Variants in RASA2 observed in about 807,000 individuals in gnomAD.
The protein encoded by RASA2 is RAS p21 protein activator 2.
In RASA2, 155 loss-of-function variants were observed where a neutral mutation model predicts 118.2. That is an observed-to-expected ratio of 1.31 (90% CI 1.15 to 1.50). The LOEUF (loss-of-function observed/expected upper bound fraction) is 1.50, where lower values mean the gene tolerates loss of function less well. Ranked by LOEUF, RASA2 falls within the 40% of genes most tolerant of loss-of-function variation. RASA2 has a pLI of 0.00. For synonymous variants in RASA2, 353 were observed against 349.1 expected, an observed-to-expected ratio of 1.01 and a Z score of -0.12; for missense variants, 1,016 against 1,009.6, an observed-to-expected ratio of 1.01 and a Z score of -0.09.
In RASA2 at chr3:141,555,848, A is replaced by T. The variant is rs1231872800; in HGVS notation, c.620A>T (p.Gln207Leu). ...VSLVGPSRND[Q>L]KKTKVKKKTS... ...CTACCACATTGGAACAGGAATGACC[A>T]AAAGAAGACAAAAGTAAAGAAGAAA... is the stretch of plus-strand genomic sequence containing the variant. Residue 207 changes from glutamine (Q) to leucine (L), a missense_variant, in exon 7 of 24, where the codon CAA becomes CTA. Physicochemically the swap from Gln to Leu is moderately radical, Grantham distance 113 (BLOSUM62 -2). Coordinates refer to ENST00000286364, the MANE Select transcript of RASA2 (RefSeq NM_006506.5). 1 of 1,612,072 alleles carries T rather than the reference A, an allele frequency of 6.2e-7. No homozygotes were observed. The highest frequency in any genetic ancestry group is 8.5e-7 in the Non-Finnish European group (1 of 1,178,758).
At chr3:141,588,567 G>A (rs907923149) in intron 19 of RASA2, among the ~76,000 whole-genome samples, 2 of 152,148 alleles carry the variant, frequency 1.3e-5, no homozygotes, top group African/African-American at 4.8e-5. Flanking sequence ...ATCAGACATA[G>A]GGTGCTTTAA....
At chr3:141,580,784 C>T (rs1577781211) in intron 16 of RASA2, among the ~76,000 whole-genome samples, 1 of 151,414 alleles carries the variant, frequency 6.6e-6, no homozygotes, top group African/African-American at 2.4e-5. Flanking sequence ...CATAGCAAGA[C>T]CCTGTCTCTA....
intron 4 of RASA2, 131 bp downstream of exon 4, chr3:141,529,933 CTT>C (rs1354654382): frequency 2.9e-6 from 2 of 684,616 alleles, no homozygotes; most frequent in African/African-American, 3.6e-5. Context: ...ATATTATAGA[CTT>C]TTGGGTAATA....
In RASA2 at chr3:141,595,991, C is replaced by T. The variant is rs146472188; in HGVS notation, c.1933+9239C>T. On this transcript the variant is annotated intron_variant, in intron 19 of 23. Transcript: ENST00000286364. ...CTGAGCACAAGAACCAGTTTTCTTA[C>T]AGAAGTTTGAAATAATACTATCAGT... Among the ~76,000 whole-genome samples, 731 of 152,260 alleles carry T rather than the reference C, an allele frequency of 4.8e-3. 8 individuals are homozygous for T. Among genetic ancestry groups the T allele is most frequent in the African/African-American group, 0.017 (693 of 41,546 alleles).
intron 7 of RASA2, among the ~76,000 whole-genome samples, chr3:141,558,410 C>G (rs1577732871): frequency 6.6e-6 from 1 of 152,078 alleles, no homozygotes; most frequent in Admixed American, 6.6e-5. Flanking sequence ...AAAGGAGATA[C>G]AGTTGTATGA....
At chr3:141,584,349 A>G (rs954667911) in intron 17 of RASA2, among the ~76,000 whole-genome samples, 12 of 151,196 alleles carry the variant, frequency 7.9e-5, no homozygotes, top group Non-Finnish European at 1.8e-4. Flanking sequence ...AAAAAAAAAA[A>G]AAAAAAGAAA....
At position 141,577,026 on chromosome 3, in the gene RASA2, G is replaced by C. The variant is rs1035787818; in HGVS notation, c.1510G>C (p.Val504Leu). Reference sequence around the variant, plus strand: ...TGACCCTCATGTTCAGTATTCTGCAGTGAGCAGCTTTGTATTTCTTCGTTT... The same window carrying C: ...TGACCCTCATGTTCAGTATTCTGCACTGAGCAGCTTTGTATTTCTTCGTTT... ...PNDPHVQYSA[V>L]SSFVFLRFFA... Residue 504 changes from valine to leucine, a missense_variant, in exon 15 of 24, where the codon GTG becomes CTG. Around this residue, in one of 2 missense-constraint regions of RASA2, gnomAD observed 896 missense variants for 836.4 expected, o/e 1.07. Transcript: ENST00000286364. The C allele has an allele frequency of 6.2e-7, 1 of 1,610,204 alleles. No homozygotes were observed. Among genetic ancestry groups the C allele is most frequent in the Admixed American group, 1.7e-5 (1 of 59,590 alleles).
rs905763332 is a variant in RASA2 at position 141,487,046 on chromosome 3, C to T, written c.-38C>T. ...TGCTGGGCTCCGCCTCGCCCGGCTA[C>T]GCAGGCGGCAGGGCTGCGGCACGGG... On this transcript the variant is annotated 5_prime_UTR_variant, in exon 1 of 24. The change creates a new upstream start codon in the 5' untranslated region. Transcript: ENST00000286364. 45 of 1,188,044 alleles carry T rather than the reference C, an allele frequency of 3.8e-5. No individual in the cohort carries two copies. Among genetic ancestry groups the T allele is most frequent in the Non-Finnish European group, 4.7e-5 (45 of 955,792 alleles). 73.6% of individuals were successfully genotyped at this position (1,188,044 alleles called of 1,614,324 possible). A position where few individuals can be genotyped will look rare whatever the true frequency, so the allele number is the denominator to read the frequency against.
At chr3:141,587,272 G>C (rs2083218887) in intron 19 of RASA2, among the ~76,000 whole-genome samples, 1 of 152,222 alleles carries the variant, frequency 6.6e-6, no homozygotes, top group East Asian at 1.9e-4. Flanking sequence ...AGAAGACTCT[G>C]TTGCCTTTAC....
chr3:141,559,992 C>A lies in RASA2; in HGVS notation c.860C>A (p.Ala287Asp). 1.2e-6 allele frequency: 2 copies of A among 1,611,222 alleles called. No individual in the cohort carries two copies. Among genetic ancestry groups the A allele is most frequent in the Non-Finnish European group, 1.7e-6 (2 of 1,177,704 alleles). ...NVLRTDSSHQ[A>D]WYLLQPRDNG... is the part of the protein sequence containing the mutation. ...TTAAGAACTGATTCCTCTCATCAAG[C>A]CTGGTAAGGGCCCAGCATTTTAGTG... The change falls in exon 9 of 24, where the codon GCC (alanine) becomes GAC (aspartate). Residue 287 changes from alanine (A) to aspartate (D), a missense_variant. Coordinates refer to ENST00000286364, the MANE Select transcript of RASA2 (RefSeq NM_006506.5).
intron 17 of RASA2, among the ~76,000 whole-genome samples, chr3:141,584,350 AAAAAAGAAAG>A (rs1210846440): frequency 6.6e-6 from 1 of 151,404 alleles, no homozygotes; most frequent in African/African-American, 2.4e-5. Context: ...AAAAAAAAAA[AAAAAAGAAAG>A]GAAAAAGGAA....
chr3:141,557,296 A>C (rs773293853), intron 7 of RASA2, among the ~76,000 whole-genome samples: 1 of 152,354 alleles, frequency 6.6e-6, no homozygotes, highest in Admixed American at 6.5e-5. Flanking sequence ...ATATGTATGC[A>C]TATACACAAC....
intron 7 of RASA2, among the ~76,000 whole-genome samples, chr3:141,557,438 GAC>G (rs1474887817): frequency 1.3e-5 from 2 of 152,176 alleles, no homozygotes; most frequent in East Asian, 3.8e-4. Flanking sequence ...GAGGCACAGA[GAC>G]AGAAAAGCAG....
intron 16 of RASA2, 86 bp downstream of exon 16, chr3:141,580,537 CA>C: frequency 1.0e-6 from 1 of 993,256 alleles, no homozygotes; most frequent in Non-Finnish European, 1.5e-6. Flanking sequence ...TACCTTCTTC[CA>C]AATTAAAAAC....
At chr3:141,539,693 C>T (rs1256612008) in intron 4 of RASA2, among the ~76,000 whole-genome samples, 3 of 152,122 alleles carry the variant, frequency 2.0e-5, no homozygotes, top group Non-Finnish European at 4.4e-5. Flanking sequence ...GTTTCTTAAC[C>T]AGTTTAGAAT....
intron 17 of RASA2, among the ~76,000 whole-genome samples, chr3:141,585,534 C>A (rs1274973413): frequency 6.6e-6 from 1 of 152,166 alleles, no homozygotes; most frequent in Non-Finnish European, 1.5e-5. Flanking sequence ...CACGGTGGCT[C>A]ACACCTGTAA....
intron 9 of RASA2, among the ~76,000 whole-genome samples, chr3:141,564,560 T>C (rs533836561): frequency 6.6e-6 from 1 of 152,298 alleles, no homozygotes; most frequent in African/African-American, 2.4e-5. Flanking sequence ...TCCAGAAGAA[T>C]TACTGTTTCC....
chr3:141,546,485 C>G (rs1282522556), intron 5 of RASA2, among the ~76,000 whole-genome samples: 2 of 152,156 alleles, frequency 1.3e-5, no homozygotes, highest in African/African-American at 4.8e-5. Context: ...ATTTGTATGT[C>G]TTCTTTTGAG....
chr3:141,558,964 T>A lies in RASA2; in HGVS notation c.761+2T>A. 1 of 1,597,072 alleles carries A rather than the reference T, an allele frequency of 6.3e-7. No homozygotes were observed. Among genetic ancestry groups the A allele is most frequent in the Non-Finnish European group, 8.6e-7 (1 of 1,166,074 alleles). ...GGACATTGAAAAGCTAGAAATCAGG[T>A]ATGTGCCTTGGGGTTTTACAGAATT... On this transcript the variant is annotated splice_donor_variant, in intron 8 of 23. Transcript: ENST00000286364. LOFTEE classifies it high-confidence loss of function.
Sources: allele counts gnomAD v4.1 joint callset (sites outside exome capture counted in the v4.1 genomes callset), GRCh38; gene constraint gnomAD v4.1.1; regional missense constraint gnomAD v4.1.1; transcripts MANE v1.5; gene names NCBI Gene and HGNC (gene_info 2026-07-23, HGNC 2026-07-21).